Variants in ZMYM5 observed in about 807,000 individuals in gnomAD.
ZMYM5 encodes zinc finger MYM-type protein 5.
In ZMYM5, 41 loss-of-function variants were observed where a neutral mutation model predicts 61.8. That is an observed-to-expected ratio of 0.66 (90% CI 0.52 to 0.86). The LOEUF (loss-of-function observed/expected upper bound fraction) is 0.86, where lower values mean the gene tolerates loss of function less well. Ranked by LOEUF, ZMYM5 falls within the 40% of genes least tolerant of loss-of-function variation. ZMYM5 has a pLI of 0.00. For missense variants in ZMYM5, 706 were observed against 786.7 expected (o/e 0.90, Z 1.23); for synonymous variants, 257 against 276.4 (o/e 0.93, Z 0.70).
chr13:19,837,710 A>G lies in ZMYM5; in HGVS notation c.984T>C (p.Leu328=). ...TTGACTTATTAAAAACTCCTTTTTT[A>G]AGATTCCAGTTGTTTTCACAGGGAG... ...CLSPCENNWN[L]KKGVFNKSRC... is the part of the protein sequence containing the mutation. The change falls in exon 6 of 8, where the codon CTT becomes CTC. Residue 328 remains leucine (L), a synonymous_variant. Coordinates refer to ENST00000337963, the MANE Select transcript of ZMYM5 (RefSeq NM_001142684.2). The G allele has an allele frequency of 3.2e-6, 5 of 1,578,340 alleles. No individual in the cohort carries two copies. The highest frequency in any genetic ancestry group is 4.3e-6 in the Non-Finnish European group (5 of 1,169,878).
chr13:19,840,443 A>T (rs1216772616), intron 4 of ZMYM5, among the ~76,000 whole-genome samples: 1 of 152,200 alleles, frequency 6.6e-6, no homozygotes, highest in Non-Finnish European at 1.5e-5. Context: ...GCATGATCAC[A>T]GCTTACTGCA....
intron 7 of ZMYM5, among the ~76,000 whole-genome samples, chr13:19,835,113 C>T (rs1291246909): frequency 6.6e-6 from 1 of 151,960 alleles, no homozygotes; most frequent in African/African-American, 2.4e-5. Context: ...ACCTCAGCTT[C>T]CAAAGTAGCT....
At chr13:19,858,428 T>C (rs1377255625) in intron 2 of ZMYM5, among the ~76,000 whole-genome samples, 1 of 150,914 alleles carries the variant, frequency 6.6e-6, no homozygotes, top group Non-Finnish European at 1.5e-5. Context: ...CTACAAAAAA[T>C]ACAAAAATTA....
chr13:19,859,022 T>C (rs575996388), intron 2 of ZMYM5, among the ~76,000 whole-genome samples: 80 of 152,082 alleles, frequency 5.3e-4, no homozygotes, highest in African/African-American at 1.9e-3. Context: ...AATGTTTCAA[T>C]ACCATGAAAT....
chr13:19,831,158 GCT>G (rs1891196125), intron 7 of ZMYM5, among the ~76,000 whole-genome samples: 1 of 139,796 alleles, frequency 7.2e-6, no homozygotes, highest in African/African-American at 2.6e-5. Flanking sequence ...ACAAGGTCTT[GCT>G]CTGTCACCCA....
intron 4 of ZMYM5, among the ~76,000 whole-genome samples, chr13:19,848,892 A>G (rs1362662257): frequency 6.6e-6 from 1 of 152,098 alleles, no homozygotes; most frequent in Non-Finnish European, 1.5e-5. Flanking sequence ...ACCTGGCTAA[A>G]GCTTTAATTT....
In ZMYM5 at chr13:19,824,569, A is replaced by C; in HGVS notation, c.1918T>G (p.Ser640Ala). 7.6e-7 allele frequency: 1 copy of C among 1,315,530 alleles called. No individual in the cohort carries two copies. Among genetic ancestry groups the C allele is most frequent in the South Asian group, 1.3e-5 (1 of 79,140 alleles). The allele number at this position is 1,315,530 out of a possible 1,614,324, so 81.5% of individuals were successfully genotyped here. Reference sequence around the variant, plus strand: ...ATAGCTTTATTTTTTTTCAGATCAGATTTTAATTTTGAGTACTTAACACTA... The same window carrying C: ...ATAGCTTTATTTTTTTTCAGATCAGCTTTTAATTTTGAGTACTTAACACTA... ...NNSVKYSKLK[S>A]DLKKNKAIDA... The change falls in exon 8 of 8, where the codon TCT becomes GCT. Residue 640 changes from serine to alanine, a missense_variant. By Grantham distance (99) the Ser-to-Ala change is moderately conservative (BLOSUM62 1). Coordinates refer to ENST00000337963, the MANE Select transcript of ZMYM5 (RefSeq NM_001142684.2).
At chr13:19,856,923 A>G (rs1239626322) in intron 2 of ZMYM5, among the ~76,000 whole-genome samples, 6 of 151,900 alleles carry the variant, frequency 3.9e-5, no homozygotes, top group African/African-American at 1.2e-4. Flanking sequence ...TGGCTAACAC[A>G]GTGAAACCCC....
chr13:19,832,087 ACCT>A (rs940670392), intron 7 of ZMYM5, among the ~76,000 whole-genome samples: 2 of 151,612 alleles, frequency 1.3e-5, no homozygotes, highest in Non-Finnish European at 2.9e-5. Flanking sequence ...CGAACTTCTG[ACCT>A]CAGGTGATCT....
At chr13:19,858,972 G>C (rs1037947650) in intron 2 of ZMYM5, among the ~76,000 whole-genome samples, 12 of 152,126 alleles carry the variant, frequency 7.9e-5, no homozygotes, top group African/African-American at 2.9e-4. Flanking sequence ...TGATAAGATA[G>C]AACATAAGAT....
intron 4 of ZMYM5, among the ~76,000 whole-genome samples, chr13:19,843,125 GT>G (rs374752573): frequency 0.093 from 13,401 of 143,596 alleles, 650 homozygotes; most frequent in African/African-American, 0.14. Flanking sequence ...AGATTTAACA[GT>G]TTTTTTTTTT....
Position 19,852,198 on chromosome 13 carries a change from G to GA in ZMYM5, c.-10-9dup. 6.6e-7 allele frequency: 1 copy of GA among 1,522,188 alleles called. No homozygotes were observed. Among genetic ancestry groups the GA allele is most frequent in the Non-Finnish European group, 8.7e-7 (1 of 1,142,956 alleles). 94.3% of individuals were successfully genotyped at this position (1,522,188 alleles called of 1,614,324 possible). A position where few individuals can be genotyped will look rare whatever the true frequency, so the allele number is the denominator to read the frequency against. On this transcript the variant is annotated splice_polypyrimidine_tract_variant and intron_variant, in intron 2 of 7. Coordinates refer to ENST00000337963, the MANE Select transcript of ZMYM5 (RefSeq NM_001142684.2). ...TTTTCCATGCCAATGAACCTGTAGA[G>GA]ACAGAAAAGAAAAAAAAAAGTTCTA...
At chr13:19,841,109 A>C (rs1019281336) in intron 4 of ZMYM5, among the ~76,000 whole-genome samples, 6 of 149,134 alleles carry the variant, frequency 4.0e-5, no homozygotes, top group Non-Finnish European at 8.9e-5. Context: ...GGATTACAGG[A>C]GCACGCCACC....
intron 4 of ZMYM5, 108 bp downstream of exon 4, chr13:19,851,247 A>C (rs992376815): frequency 1.9e-5 from 21 of 1,080,918 alleles, no homozygotes; most frequent in Non-Finnish European, 2.6e-5. Flanking sequence ...ACAAGCAAAC[A>C]AAAAAAGCAA....
At chr13:19,831,800 A>AC (rs1365750256) in intron 7 of ZMYM5, among the ~76,000 whole-genome samples, 3 of 150,434 alleles carry the variant, frequency 2.0e-5, no homozygotes, top group East Asian at 3.9e-4. Flanking sequence ...AAAAAAAAAA[A>AC]AAAAAAAAAA....
chr13:19,838,681 G>T lies in ZMYM5; in HGVS notation c.872+19C>A, dbSNP rs533809764. ...TTAGTATTCAACTATGTGGAGAAATGTTGAAAGGTACTGCTTACTTTTTAC... is the reference window on the plus strand; with the variant it reads ...TTAGTATTCAACTATGTGGAGAAATTTTGAAAGGTACTGCTTACTTTTTAC... On this transcript the variant is annotated intron_variant, in intron 5 of 7. Coordinates refer to ENST00000337963, the MANE Select transcript of ZMYM5 (RefSeq NM_001142684.2). The T allele has an allele frequency of 1.2e-6, 2 of 1,611,738 alleles. No individual in the cohort carries two copies. Among genetic ancestry groups the T allele is most frequent in the Non-Finnish European group, 1.7e-6 (2 of 1,178,116 alleles).
At position 19,824,155 on chromosome 13, in the gene ZMYM5, C is replaced by A; in HGVS notation, c.*322G>T. On this transcript the variant is annotated 3_prime_UTR_variant, in exon 8 of 8. Coordinates refer to ENST00000337963, the MANE Select transcript of ZMYM5 (RefSeq NM_001142684.2). ...CGCCCGGCCAAGAACAGAATATTAA[C>A]CAAACCCATCAAATGGCAGTCATTA... is the stretch of plus-strand genomic sequence containing the variant. 6.4e-6 allele frequency: 1 copy of A among 156,622 alleles called. No individual in the cohort carries two copies. The highest frequency in any genetic ancestry group is 1.4e-5 in the Non-Finnish European group (1 of 71,502). The allele number at this position is 156,622 out of a possible 1,614,324, so 9.7% of individuals were successfully genotyped here.
intron 7 of ZMYM5, among the ~76,000 whole-genome samples, chr13:19,825,701 A>G (rs923476610): frequency 7.3e-5 from 11 of 151,650 alleles, no homozygotes; most frequent in Non-Finnish European, 1.0e-4. Context: ...AGAAGAAGAA[A>G]AAAAAAGGTG....
intron 2 of ZMYM5, among the ~76,000 whole-genome samples, chr13:19,857,242 T>C (rs1176952778): frequency 3.3e-5 from 5 of 152,260 alleles, no homozygotes; most frequent in Non-Finnish European, 5.9e-5. Flanking sequence ...AGTCTTCTTG[T>C]GGTATCTTAT....
Sources: gnomAD v4.1 joint callset for allele counts (sites outside exome capture counted in the v4.1 genomes callset) on GRCh38, gnomAD v4.1.1 for gene constraint, MANE v1.5 for transcripts, NCBI Gene and HGNC (gene_info 2026-07-23, HGNC 2026-07-21) for gene names.